AOAH: variants seen among roughly 807,000 people sequenced by gnomAD.
AOAH encodes the protein acyloxyacyl hydrolase.
Under a neutral mutation model 92.2 loss-of-function variants are expected in AOAH, and 64 were observed. The observed-to-expected ratio is 0.69, with a 90% CI of 0.57 to 0.86. The LOEUF (loss-of-function observed/expected upper bound fraction) is 0.86, where lower values mean the gene tolerates loss of function less well. Among genes scored for constraint, AOAH ranks in the 40% least tolerant of loss-of-function variants. The pLI, the probability that AOAH is intolerant of heterozygous loss-of-function variation, is 0.00. For missense variants in AOAH, 656 were observed against 694.6 expected, an observed-to-expected ratio of 0.94 and a Z score of 0.62; for synonymous variants, 263 against 254.5, an observed-to-expected ratio of 1.03 and a Z score of -0.32.
chr7:36,561,005 T>C (rs1787219800), intron 13 of AOAH, among the ~76,000 whole-genome samples: 1 of 151,904 alleles, frequency 6.6e-6, no homozygotes, highest in African/African-American at 2.4e-5. Flanking sequence ...CTGAATAGTA[T>C]CTATGGGGGT....
chr7:36,721,364 C>T (rs1799621318), intron 1 of AOAH, among the ~76,000 whole-genome samples: 1 of 152,202 alleles, frequency 6.6e-6, no homozygotes, highest in African/African-American at 2.4e-5. Context: ...GCCAACCCCA[C>T]TGCCTTCCTC....
intron 3 of AOAH, among the ~76,000 whole-genome samples, chr7:36,669,993 CCCCTGAA>C (rs1223182975): frequency 7.2e-5 from 11 of 152,266 alleles, no homozygotes; most frequent in African/African-American, 2.4e-4. Flanking sequence ...ATTGAGCTGC[CCCCTGAA>C]GTAGCTCCTC....
intron 4 of AOAH, among the ~76,000 whole-genome samples, chr7:36,642,172 G>A (rs576351371): frequency 4.7e-4 from 71 of 151,844 alleles, no homozygotes; most frequent in African/African-American, 1.5e-3. Flanking sequence ...AAGTAATTGC[G>A]GTTTTGCCAT....
intron 1 of AOAH, among the ~76,000 whole-genome samples, chr7:36,691,722 C>T (rs1446094035): frequency 6.6e-6 from 1 of 152,182 alleles, no homozygotes; most frequent in Non-Finnish European, 1.5e-5. Context: ...ATAGTTTTTG[C>T]ACTTCCTCCC....
At chr7:36,577,185 C>T (rs1336501109) in intron 12 of AOAH, among the ~76,000 whole-genome samples, 2 of 152,150 alleles carry the variant, frequency 1.3e-5, no homozygotes, top group Admixed American at 6.5e-5. Context: ...ATTGCGTTTT[C>T]CAGCTTCTCT....
intron 15 of AOAH, among the ~76,000 whole-genome samples, chr7:36,541,818 C>T (rs1785443815): frequency 1.3e-5 from 2 of 152,126 alleles, no homozygotes; most frequent in Non-Finnish European, 2.9e-5. Flanking sequence ...TTGCACACAC[C>T]TTCAGGAACA....
intron 11 of AOAH, among the ~76,000 whole-genome samples, chr7:36,613,237 G>A (rs1791599190): frequency 6.6e-6 from 1 of 152,100 alleles, no homozygotes; most frequent in African/African-American, 2.4e-5. Flanking sequence ...CTGTAGAGAG[G>A]CTGTTCCGCT....
Position 36,522,101 on chromosome 7 carries a change from GC to G in AOAH, c.1536del (p.Trp512CysfsTer138). On this transcript the variant is annotated frameshift_variant, in exon 20 of 21. Transcript: ENST00000617537. LOFTEE classifies it high-confidence loss of function. ...DFAFHEIIQE[W>X]QKRGGQPWQL... Reference sequence around the variant, plus strand: ...TGCCAGGGCTGTCCGCCTCTCTTCTGCCACTCCTGTATGACTGCAGGGCACA... The same window carrying G: ...TGCCAGGGCTGTCCGCCTCTCTTCTGCACTCCTGTATGACTGCAGGGCACA... The G allele has an allele frequency of 6.2e-7, 1 of 1,614,156 alleles. No homozygotes were observed. Among genetic ancestry groups the G allele is most frequent in the Non-Finnish European group, 8.5e-7 (1 of 1,180,002 alleles).
At chr7:36,520,566 G>A (rs1003685488) in intron 20 of AOAH, among the ~76,000 whole-genome samples, 1 of 152,198 alleles carries the variant, frequency 6.6e-6, no homozygotes, top group African/African-American at 2.4e-5. Context: ...TTAGCCAGGT[G>A]TGGTGGCGCA....
At chr7:36,711,185 C>T (rs1335859728) in intron 1 of AOAH, among the ~76,000 whole-genome samples, 1 of 152,148 alleles carries the variant, frequency 6.6e-6, no homozygotes, top group East Asian at 1.9e-4. Flanking sequence ...CATGTAATCA[C>T]TATGACTATT....
chr7:36,553,180 T>C (rs2116366957), intron 13 of AOAH, among the ~76,000 whole-genome samples: 1 of 144,082 alleles, frequency 6.9e-6, no homozygotes, highest in East Asian at 2.1e-4. Context: ...CCATGTGTTC[T>C]CATTGTTCAA....
chr7:36,699,637 GTTTTTT>G (rs377319409), intron 1 of AOAH, among the ~76,000 whole-genome samples: 1 of 134,514 alleles, frequency 7.4e-6, no homozygotes, highest in African/African-American at 2.7e-5. Flanking sequence ...TGGATTATTT[GTTTTTT>G]TTTTTTTTTT....
intron 12 of AOAH, among the ~76,000 whole-genome samples, chr7:36,578,231 T>C (rs575735591): frequency 6.6e-6 from 1 of 151,092 alleles, no homozygotes; most frequent in Admixed American, 6.7e-5. Flanking sequence ...AGTATTATTC[T>C]AGGCACTGAG....
chr7:36,528,843 C>T (rs1784532905), intron 19 of AOAH, among the ~76,000 whole-genome samples: 1 of 152,180 alleles, frequency 6.6e-6, no homozygotes, highest in African/African-American at 2.4e-5. Context: ...CTTGAGCGAT[C>T]CTCCCATCTC....
intron 11 of AOAH, among the ~76,000 whole-genome samples, chr7:36,605,580 T>C (rs1232699514): frequency 1.3e-5 from 2 of 152,260 alleles, no homozygotes; most frequent in Non-Finnish European, 2.9e-5. Flanking sequence ...TGAGTAATTA[T>C]AAATGCTTTT....
At chr7:36,602,693 G>A (rs1381852600) in intron 11 of AOAH, among the ~76,000 whole-genome samples, 1 of 152,078 alleles carries the variant, frequency 6.6e-6, no homozygotes, top group Non-Finnish European at 1.5e-5. Flanking sequence ...TAAAAGTTTA[G>A]TCATTTCTAC....
chr7:36,683,941 C>T (rs1417872642), intron 2 of AOAH, among the ~76,000 whole-genome samples: 1 of 151,768 alleles, frequency 6.6e-6, no homozygotes, highest in Non-Finnish European at 1.5e-5. Context: ...TTGCAGTGAG[C>T]CAAGATGGAG....
intron 2 of AOAH, among the ~76,000 whole-genome samples, chr7:36,683,178 C>T (rs1013174078): frequency 6.6e-6 from 1 of 152,276 alleles, no homozygotes; most frequent in Admixed American, 6.5e-5. Flanking sequence ...GGAAAGACAT[C>T]ATGTGCCAAG....
intron 9 of AOAH, among the ~76,000 whole-genome samples, chr7:36,620,529 T>C (rs1246163980): frequency 6.6e-6 from 1 of 152,196 alleles, no homozygotes; most frequent in Non-Finnish European, 1.5e-5. Flanking sequence ...CAAAACAGTA[T>C]AAAGGGATTA....
Sources: allele counts gnomAD v4.1 joint callset (sites outside exome capture counted in the v4.1 genomes callset), GRCh38; gene constraint gnomAD v4.1.1; transcripts MANE v1.5; gene names NCBI Gene and HGNC (gene_info 2026-07-23, HGNC 2026-07-21).